GABRG3: variants seen among roughly 807,000 people sequenced by gnomAD.
GABRG3 encodes the protein gamma-aminobutyric acid type A receptor subunit gamma3.
In GABRG3, 25 loss-of-function variants were observed where a neutral mutation model predicts 48.8. That is an observed-to-expected ratio of 0.51 (90% confidence interval 0.37 to 0.72). The LOEUF (loss-of-function observed/expected upper bound fraction) is 0.72, where lower values mean the gene tolerates loss of function less well. Ranked by LOEUF, GABRG3 falls within the 30% of genes least tolerant of loss-of-function variation. GABRG3 has a pLI of 0.00. For missense variants in GABRG3, 394 were observed against 577.9 expected, an observed-to-expected ratio of 0.68 and a Z score of 3.26; for synonymous variants, 227 against 217.6, an observed-to-expected ratio of 1.04 and a Z score of -0.38.
intron 3 of GABRG3, among the ~76,000 whole-genome samples, chr15:27,094,699 G>A (rs958589699): frequency 5.3e-5 from 8 of 152,024 alleles, no homozygotes; most frequent in African/African-American, 1.9e-4. Context: ...GGAGAGTGTA[G>A]GACATAAATT....
At chr15:27,028,427 T>C (rs1475648877) in intron 3 of GABRG3, among the ~76,000 whole-genome samples, 1 of 152,146 alleles carries the variant, frequency 6.6e-6, no homozygotes, top group Non-Finnish European at 1.5e-5. Context: ...CTCAGCCTTC[T>C]CTTCATCCAA....
intron 6 of GABRG3, among the ~76,000 whole-genome samples, chr15:27,496,244 G>A (rs114202756): frequency 1.5e-3 from 231 of 152,010 alleles, no homozygotes; most frequent in African/African-American, 5.4e-3. Context: ...AGGAGTTGGG[G>A]GATCACATTA....
intron 3 of GABRG3, among the ~76,000 whole-genome samples, chr15:27,067,703 A>T (rs1896760750): frequency 6.6e-6 from 1 of 152,078 alleles, no homozygotes; most frequent in Admixed American, 6.5e-5. Flanking sequence ...CAGCTTAGGC[A>T]CCTGGAACTT....
At chr15:27,190,121 G>A (rs964786817) in intron 3 of GABRG3, among the ~76,000 whole-genome samples, 23 of 152,082 alleles carry the variant, frequency 1.5e-4, no homozygotes, top group Admixed American at 7.2e-4. Flanking sequence ...TGCTGGATTC[G>A]GTTTGCCAGT....
intron 5 of GABRG3, among the ~76,000 whole-genome samples, chr15:27,382,512 T>C (rs1359882354): frequency 6.6e-6 from 1 of 152,158 alleles, no homozygotes; most frequent in East Asian, 1.9e-4. Context: ...TGGCTTTCAC[T>C]CGGAGTGAAA....
intron 5 of GABRG3, among the ~76,000 whole-genome samples, chr15:27,362,025 G>C (rs1213431122): frequency 6.6e-6 from 1 of 152,170 alleles, no homozygotes; most frequent in African/African-American, 2.4e-5. Context: ...ACACGCTCAT[G>C]ATGTTTTCCT....
At chr15:27,283,682 G>C (rs527641296) in intron 3 of GABRG3, among the ~76,000 whole-genome samples, 1 of 152,246 alleles carries the variant, frequency 6.6e-6, no homozygotes, top group African/African-American at 2.4e-5. Flanking sequence ...CTCAGGGACT[G>C]TATTGTCTGT....
At chr15:27,208,241 T>C in intron 3 of GABRG3, 1 of 166,906 alleles carries the variant, frequency 6.0e-6, no homozygotes, top group Non-Finnish European at 1.3e-5. Context: ...ACATGATAAC[T>C]AGAGCTGGAG....
At chr15:27,096,034 TC>T (rs1897261131) in intron 3 of GABRG3, among the ~76,000 whole-genome samples, 1 of 152,184 alleles carries the variant, frequency 6.6e-6, no homozygotes, top group Non-Finnish European at 1.5e-5. Flanking sequence ...AGGCTGCAGA[TC>T]CTTGCATTTG....
intron 3 of GABRG3, among the ~76,000 whole-genome samples, chr15:27,298,965 G>A (rs1312994002): frequency 1.3e-5 from 2 of 152,000 alleles, no homozygotes; most frequent in Non-Finnish European, 2.9e-5. Context: ...AACAAAAAAT[G>A]CTTCATTTTT....
chr15:27,182,756 T>A (rs1156499550), intron 3 of GABRG3, among the ~76,000 whole-genome samples: 2 of 152,156 alleles, frequency 1.3e-5, no homozygotes. Flanking sequence ...AATTTGCAAC[T>A]GCTGGGAATT....
intron 5 of GABRG3, among the ~76,000 whole-genome samples, chr15:27,427,091 G>A (rs1470291831): frequency 6.6e-6 from 1 of 152,154 alleles, no homozygotes; most frequent in Non-Finnish European, 1.5e-5. Flanking sequence ...TGATCCAAAT[G>A]TGCGAGACTA....
At position 27,307,006 on chromosome 15, in the gene GABRG3, G is replaced by GTTTATATACAAACATA. The variant is rs1566769768; in HGVS notation, c.271-19802_271-19801insTTATATACAAACATAT. On this transcript the variant is annotated intron_variant, in intron 3 of 9. Coordinates refer to ENST00000615808, the MANE Select transcript of GABRG3 (RefSeq NM_033223.5). Reference sequence around the variant, plus strand: ...TATAAACATGTTTATATATAAACATGTATAAACATGTTTATATATAAACAT... The same window carrying GTTTATATACAAACATA: ...TATAAACATGTTTATATATAAACATGTTTATATACAAACATATATAAACATGTTTATATATAAACAT... Among the ~76,000 whole-genome samples the GTTTATATACAAACATA allele has an allele frequency of 3.8e-5, 3 of 78,598 alleles. 1 individual carries two copies. The highest frequency in any genetic ancestry group is 7.0e-5 in the Non-Finnish European group (3 of 42,816). The allele number at this position is 78,598 out of a possible 152,430, so 51.6% of individuals were successfully genotyped here.
At chr15:27,032,997 C>T (rs919104157) in intron 3 of GABRG3, among the ~76,000 whole-genome samples, 1 of 131,666 alleles carries the variant, frequency 7.6e-6, no homozygotes, top group East Asian at 2.6e-4. Context: ...AAATACAGCC[C>T]TTCTTTTTAA....
chr15:27,389,302 G>A lies in GABRG3; in HGVS notation c.574+60414G>A, dbSNP rs559817517. ...GGTTTGAAAATATCCAGTGGTAAGT[G>A]TGTGTGGAAAGGGGTAGTTTTATGA... On this transcript the variant is annotated intron_variant, in intron 5 of 9. Transcript: ENST00000615808. Among the ~76,000 whole-genome samples, 8 of 152,324 alleles carry A rather than the reference G, an allele frequency of 5.3e-5. No individual in the cohort carries two copies. The East Asian group carries it at 9.6e-4, about 18-fold the overall frequency.
intron 3 of GABRG3, among the ~76,000 whole-genome samples, chr15:27,151,282 C>T (rs1898307385): frequency 6.6e-6 from 1 of 152,006 alleles, no homozygotes; most frequent in Admixed American, 6.6e-5. Flanking sequence ...ACTAATCTGT[C>T]CTCCATTTTT....
chr15:26,975,369 A>G lies in GABRG3; in HGVS notation c.54-1633A>G, dbSNP rs111631821. Among the ~76,000 whole-genome samples the G allele has an allele frequency of 0.035, 5,348 of 152,304 alleles. 320 individuals carry two copies. Among genetic ancestry groups the G allele is most frequent in the African/African-American group, 0.12 (5,067 of 41,528 alleles). ...ATTTATAGTTTCTATGGATGATTCA[A>G]TTTAACCTTCTAGCCAATAGGTACT... On this transcript the variant is annotated intron_variant, in intron 1 of 9. Transcript: ENST00000615808. This position sits in a 1 kb window ranked among gnomAD's most constrained non-coding sequence, Gnocchi z 4.6.
intron 3 of GABRG3, among the ~76,000 whole-genome samples, chr15:27,108,258 A>G (rs1897485355): frequency 6.6e-6 from 1 of 151,986 alleles, no homozygotes; most frequent in South Asian, 2.1e-4. Context: ...TTTGTTTTTA[A>G]TTAGTTCAAA....
intron 3 of GABRG3, among the ~76,000 whole-genome samples, chr15:27,067,992 T>C (rs1595504238): frequency 6.6e-6 from 1 of 151,944 alleles, no homozygotes; most frequent in Non-Finnish European, 1.5e-5. Context: ...GTAAGTAGAG[T>C]GCACAGAAGA....
Sources: gnomAD v4.1 joint callset for allele counts (sites outside exome capture counted in the v4.1 genomes callset) on GRCh38, gnomAD v4.1.1 for gene constraint, Gnocchi (gnomAD v3.1) non-coding constraint, MANE v1.5 for transcripts, NCBI Gene and HGNC (gene_info 2026-07-23, HGNC 2026-07-21) for gene names.